MCTP2: variants seen among roughly 807,000 people sequenced by gnomAD.
MCTP2 encodes multiple C2 and transmembrane domain-containing protein 2.
Under a neutral mutation model 111.6 loss-of-function variants are expected in MCTP2, and 132 were observed. The ratio of observed to expected loss-of-function variants is 1.18; its 90% CI spans 1.03 to 1.37. The LOEUF (loss-of-function observed/expected upper bound fraction) is 1.37, where lower values mean the gene tolerates loss of function less well. Among genes scored for constraint, MCTP2 ranks in the 40% most tolerant of loss-of-function variants. MCTP2 has a pLI of 0.00. For missense variants in MCTP2, 1,183 were observed against 1,067.9 expected, an observed-to-expected ratio of 1.11 and a Z score of -1.50; for synonymous variants, 395 against 387.7, an observed-to-expected ratio of 1.02 and a Z score of -0.22.
At chr15:94,396,061 G>A (rs1264242440) in intron 14 of MCTP2, among the ~76,000 whole-genome samples, 1 of 152,024 alleles carries the variant, frequency 6.6e-6, no homozygotes, top group Non-Finnish European at 1.5e-5. Context: ...TGCACTATTT[G>A]GCCATGAAAA....
intron 12 of MCTP2, among the ~76,000 whole-genome samples, chr15:94,373,658 C>G (rs929638281): frequency 6.6e-6 from 1 of 152,140 alleles, no homozygotes; most frequent in African/African-American, 2.4e-5. Context: ...CTTAAGTAAT[C>G]TATCTTCTTT....
intron 4 of MCTP2, among the ~76,000 whole-genome samples, chr15:94,339,010 T>G (rs987857979): frequency 6.6e-6 from 1 of 152,210 alleles, no homozygotes; most frequent in South Asian, 2.1e-4. Flanking sequence ...TGGTAGATTT[T>G]ACTTCTTGAA....
At chr15:94,385,089 A>G (rs1301158167) in intron 13 of MCTP2, among the ~76,000 whole-genome samples, 1 of 152,214 alleles carries the variant, frequency 6.6e-6, no homozygotes, top group Non-Finnish European at 1.5e-5. Flanking sequence ...AGCTTTTTAA[A>G]AATTACTTTG....
chr15:94,301,640 C>G (rs554245762), intron 2 of MCTP2, among the ~76,000 whole-genome samples: 1 of 152,318 alleles, frequency 6.6e-6, no homozygotes, highest in Admixed American at 6.5e-5. Context: ...GCAACGTGTG[C>G]ATTCAGGTTA....
At chr15:94,232,300 A>C (rs1419365703) in intron 1 of MCTP2, among the ~76,000 whole-genome samples, 1 of 152,280 alleles carries the variant, frequency 6.6e-6, no homozygotes, top group Non-Finnish European at 1.5e-5. Context: ...TTGGGTTGCC[A>C]TAAAAGAGGT....
In MCTP2 at chr15:94,237,693, T is replaced by A. The variant is rs931804418; in HGVS notation, c.-66+6029T>A. ...CTTTGTGGGGTCACATGTGCATCTG[T>A]AAAGAATCTCTATTAAAGCTAGATC... On this transcript the variant is annotated intron_variant, in intron 1 of 22. Transcript: ENST00000357742. Among the ~76,000 whole-genome samples, 8 of 152,232 alleles carry A rather than the reference T, an allele frequency of 5.3e-5. 1 individual carries two copies. Among genetic ancestry groups the A allele is most frequent in the Admixed American group, 5.2e-4 (8 of 15,282 alleles).
chr15:94,339,010 T>C (rs987857979), intron 4 of MCTP2, among the ~76,000 whole-genome samples: 12 of 152,210 alleles, frequency 7.9e-5, no homozygotes, highest in Admixed American at 4.6e-4. Context: ...TGGTAGATTT[T>C]ACTTCTTGAA....
intron 4 of MCTP2, among the ~76,000 whole-genome samples, chr15:94,323,836 C>G (rs1171954548): frequency 6.6e-6 from 1 of 152,112 alleles, no homozygotes; most frequent in Non-Finnish European, 1.5e-5. Context: ...CTCCCTGTCC[C>G]CTCTTCTATT....
At chr15:94,456,849 A>C (rs961689693) in intron 19 of MCTP2, among the ~76,000 whole-genome samples, 1 of 151,006 alleles carries the variant, frequency 6.6e-6, no homozygotes, top group African/African-American at 2.5e-5. Flanking sequence ...GTTTCAGCCA[A>C]GTAGTTTCAT....
chr15:94,426,783 A>G lies in MCTP2; in HGVS notation c.2086-13393A>G, dbSNP rs77123705. ...TATGTTATCTTCTACCAGAGAGGATATAGAGTAGGCATTTAGAATATAGCA... is the reference window on the plus strand; with the variant it reads ...TATGTTATCTTCTACCAGAGAGGATGTAGAGTAGGCATTTAGAATATAGCA... On this transcript the variant is annotated intron_variant, in intron 17 of 22. Coordinates refer to ENST00000357742, the MANE Select transcript of MCTP2 (RefSeq NM_001385001.1). Among the ~76,000 whole-genome samples the G allele has an allele frequency of 5.7e-3, 874 of 152,268 alleles. 5 individuals are homozygous for G. The highest frequency in any genetic ancestry group is 0.01 in the Middle Eastern group (3 of 294).
Position 94,243,005 on chromosome 15 carries a change from ACATACACGTG to A in MCTP2, c.-66+11342_-66+11351del, listed in dbSNP as rs1567248891. 9.6e-3 allele frequency among the ~76,000 whole-genome samples: 901 copies of A among 93,900 alleles called. 188 individuals are homozygous for A. Among genetic ancestry groups the A allele is most frequent in the African/African-American group, 0.037 (856 of 23,132 alleles). The allele number at this position is 93,900 out of a possible 152,430, so 61.6% of individuals were successfully genotyped here. The stretch of plus-strand genomic sequence containing the variant: ...CATACACGTGTATATGTGTATCTAC[ACATACACGTG>A]TATATGTGTATCTACACATACACGT... On this transcript the variant is annotated intron_variant, in intron 1 of 22. Transcript: ENST00000357742.
intron 8 of MCTP2, among the ~76,000 whole-genome samples, chr15:94,346,209 C>A (rs1596423881): frequency 6.6e-6 from 1 of 152,118 alleles, no homozygotes; most frequent in East Asian, 1.9e-4. Context: ...ACTTTCAAAT[C>A]TTGCTTTTGA....
chr15:94,245,716 G>GTGTGTA (rs1555440223), intron 1 of MCTP2, among the ~76,000 whole-genome samples: 33 of 139,770 alleles, frequency 2.4e-4, no homozygotes, highest in Admixed American at 7.3e-4. Flanking sequence ...GTGTGTGTGT[G>GTGTGTA]TATATATATA....
chr15:94,429,115 C>T (rs1458164489), intron 17 of MCTP2, among the ~76,000 whole-genome samples: 1 of 150,992 alleles, frequency 6.6e-6, no homozygotes, highest in African/African-American at 2.4e-5. Flanking sequence ...CTACCCTACC[C>T]CCTCTATATC....
chr15:94,367,502 T>G, intron 10 of MCTP2, 103 bp from the exon 11 acceptor site: 6 of 875,716 alleles, frequency 6.9e-6, no homozygotes, highest in African/African-American at 1.7e-5. Flanking sequence ...CCAGACAGAG[T>G]GAGTTTTGGG....
intron 12 of MCTP2, among the ~76,000 whole-genome samples, chr15:94,377,487 G>T (rs1384135934): frequency 6.6e-6 from 1 of 152,212 alleles, no homozygotes; most frequent in African/African-American, 2.4e-5. Flanking sequence ...TGACTTAGTG[G>T]TTTATAACTT....
At chr15:94,331,449 G>T (rs1231137920) in intron 4 of MCTP2, among the ~76,000 whole-genome samples, 1 of 152,054 alleles carries the variant, frequency 6.6e-6, no homozygotes, top group Non-Finnish European at 1.5e-5. Context: ...GAGAAGGCAG[G>T]GGAGGCATGT....
intron 1 of MCTP2, among the ~76,000 whole-genome samples, chr15:94,245,117 T>C (rs2071708982): frequency 6.7e-6 from 1 of 149,466 alleles, no homozygotes; most frequent in Non-Finnish European, 1.5e-5. Flanking sequence ...TATATATGTA[T>C]ATGTATACAC....
chr15:94,300,791 C>G (rs769924192), intron 2 of MCTP2, among the ~76,000 whole-genome samples: 2 of 152,112 alleles, frequency 1.3e-5, no homozygotes, highest in African/African-American at 2.4e-5. Flanking sequence ...ATCTGTGAAG[C>G]AGTGTCCAAG....
Sources: gnomAD v4.1 joint callset for allele counts (sites outside exome capture counted in the v4.1 genomes callset) on GRCh38, gnomAD v4.1.1 for gene constraint, MANE v1.5 for transcripts, NCBI Gene and HGNC (gene_info 2026-07-23, HGNC 2026-07-21) for gene names.